ACACB: variants seen among roughly 807,000 people sequenced by gnomAD.
ACACB encodes the protein acetyl-CoA carboxylase beta.
Under a neutral mutation model 278.8 loss-of-function variants are expected in ACACB, and 209 were observed. That is an observed-to-expected ratio of 0.75 (90% CI 0.67 to 0.84). The LOEUF (loss-of-function observed/expected upper bound fraction) is 0.84. Among genes scored for constraint, ACACB ranks in the 40% least tolerant of loss-of-function variants. The pLI is 0.00. For synonymous variants in ACACB, 1,174 were observed against 1,285.6 expected, an observed-to-expected ratio of 0.91 and a Z score of 1.86; for missense variants, 2,850 against 3,269.0, an observed-to-expected ratio of 0.87 and a Z score of 3.13.
intron 17 of ACACB, among the ~76,000 whole-genome samples, chr12:109,198,856 C>A (rs912627295): frequency 5.3e-5 from 8 of 151,878 alleles, no homozygotes; most frequent in African/African-American, 1.9e-4. Flanking sequence ...GAACTCCTGG[C>A]CTCAAGCCAT....
intron 24 of ACACB, among the ~76,000 whole-genome samples, chr12:109,217,961 G>A (rs2046053003): frequency 6.6e-6 from 1 of 152,212 alleles, no homozygotes; most frequent in South Asian, 2.1e-4. Flanking sequence ...TCACGCAGCA[G>A]TCCTAGAAAG....
In ACACB at chr12:109,175,999, T is replaced by C. The variant is rs1241276662; in HGVS notation, c.1285T>C (p.Tyr429His). 2.5e-6 allele frequency: 4 copies of C among 1,614,020 alleles called. No individual in the cohort carries two copies. The highest frequency in any genetic ancestry group is 3.4e-6 in the Non-Finnish European group (4 of 1,180,032). Residue 429 changes from tyrosine to histidine, a missense_variant, in exon 8 of 53, where the codon TAT becomes CAT. Tyr to His is a moderately conservative substitution (Grantham distance 83, BLOSUM62 2). Around this residue, in one of 3 missense-constraint regions of ACACB, gnomAD observed 2,265 missense variants for 2,561.3 expected, o/e 0.88. Transcript: ENST00000338432. ...AAGAATCAGTGTCCCAGAAGATGTTTATGACAAGGGTTGCGTGAAAGACGT... is the reference window on the plus strand; with the variant it reads ...AAGAATCAGTGTCCCAGAAGATGTTCATGACAAGGGTTGCGTGAAAGACGT... ...GKRISVPEDV[Y>H]DKGCVKDVDE...
chr12:109,154,730 A>T (rs1382381150), intron 2 of ACACB: 1 of 152,542 alleles, frequency 6.6e-6, no homozygotes, highest in Non-Finnish European at 1.5e-5. Context: ...CGCCGGCTGC[A>T]GCAGAACCCC....
chr12:109,193,827 C>T (rs1011842904), intron 16 of ACACB, 98 bp downstream of exon 16: 10 of 1,106,708 alleles, frequency 9.0e-6, no homozygotes, highest in Non-Finnish European at 1.3e-5. Flanking sequence ...TTTGCTCATG[C>T]TTGGGTTTGA....
At chr12:109,167,621 G>GCA (rs1408673157) in intron 3 of ACACB, among the ~76,000 whole-genome samples, 4 of 77,520 alleles carry the variant, frequency 5.2e-5, no homozygotes, top group African/African-American at 2.0e-4. Context: ...ATATGTATGT[G>GCA]TATATATATA....
chr12:109,197,637 C>T (rs1469426825), intron 17 of ACACB, among the ~76,000 whole-genome samples: 5 of 151,960 alleles, frequency 3.3e-5, no homozygotes, highest in Non-Finnish European at 7.4e-5. Context: ...GTGTCGTGTA[C>T]CTGACGGGTA....
chr12:109,222,027 A>G (rs934962989), intron 24 of ACACB, among the ~76,000 whole-genome samples: 13 of 151,830 alleles, frequency 8.6e-5, no homozygotes, highest in Admixed American at 4.6e-4. Context: ...AGCTGGGACT[A>G]CAGGCATGTG....
In ACACB at chr12:109,233,702, A is replaced by G. The variant is rs1378987320; in HGVS notation, c.4140-46A>G. ...GGCTTGGAAGCTTGACCTCATCCCC[A>G]TGGGTCAGCAGCCCCTCAGCCCTCC... On this transcript the variant is annotated intron_variant, in intron 29 of 52. Coordinates refer to ENST00000338432, the MANE Select transcript of ACACB (RefSeq NM_001093.4). The G allele has an allele frequency of 3.2e-6, 5 of 1,541,970 alleles. No individual in the cohort carries two copies. In the East Asian group the frequency reaches 6.7e-5, roughly 21 times the overall value.
intron 27 of ACACB, among the ~76,000 whole-genome samples, chr12:109,224,849 T>C (rs1291683205): frequency 2.6e-5 from 4 of 152,284 alleles, no homozygotes; most frequent in Admixed American, 2.6e-4. Context: ...AACACGGCCC[T>C]CTTACCCGGG....
chr12:109,210,459 A>G (rs1460486203), intron 21 of ACACB, among the ~76,000 whole-genome samples: 1 of 131,044 alleles, frequency 7.6e-6, no homozygotes, highest in Non-Finnish European at 1.6e-5. Context: ...ATATATGTAT[A>G]TATACGCACA....
chr12:109,206,382 C>T (rs1236892907), intron 19 of ACACB, among the ~76,000 whole-genome samples: 2 of 142,516 alleles, frequency 1.4e-5, no homozygotes, highest in Admixed American at 7.3e-5. Flanking sequence ...TGCAGTGAGC[C>T]GAGGTCATGC....
Position 109,212,927 on chromosome 12 carries a change from T to C in ACACB, c.3341T>C (p.Leu1114Ser), listed in dbSNP as rs762193492. The change falls in exon 22 of 53, where the codon TTG becomes TCG. Residue 1114 changes from leucine to serine, a missense_variant. Leu to Ser is a moderately radical substitution (Grantham distance 145). This residue lies in a region of ACACB where 2,265 missense variants were observed against 2,561.3 expected (regional missense o/e 0.88). Transcript: ENST00000338432. ...ATCAACACCCAGAGCATCGTGCAGT[T>C]GGTCCAGAGGTGAATCCTGGGTCTC... The part of the protein sequence containing the change: ...FFINTQSIVQ[L>S]VQRYRSGIRG... 1.9e-6 allele frequency: 3 copies of C among 1,613,912 alleles called. No individual in the cohort carries two copies. The highest frequency in any genetic ancestry group is 3.3e-5 in the Admixed American group (2 of 60,014).
chr12:109,139,935 A>G lies in ACACB; in HGVS notation c.530A>G (p.Glu177Gly), dbSNP rs777108289. Residue 177 changes from glutamate to glycine, a missense_variant, in exon 2 of 53, where the codon GAG becomes GGG. Transcript: ENST00000338432. ...LGSFDDYSSDEDSVAGSSRES... is the reference protein window; with the variant it reads ...LGSFDDYSSDGDSVAGSSRES... ...TCTTTTGATGACTACTCCTCCGACG[A>G]GGACTCTGTTGCTGGCTCATCTCGT... is the stretch of plus-strand genomic sequence containing the variant. 3 of 1,614,128 alleles carry G rather than the reference A, an allele frequency of 1.9e-6. No individual in the cohort carries two copies. Among genetic ancestry groups the G allele is most frequent in the East Asian group, 4.5e-5 (2 of 44,872 alleles).
chr12:109,221,895 G>GGGT (rs2046173846), intron 24 of ACACB, among the ~76,000 whole-genome samples: 2 of 89,898 alleles, frequency 2.2e-5, no homozygotes, highest in African/African-American at 1.5e-4. Flanking sequence ...TTTTTTTTTT[G>GGGT]GGGGGGAGAC....
At chr12:109,235,869 C>A in intron 33 of ACACB, 1 of 494,910 alleles carries the variant, frequency 2.0e-6, no homozygotes, top group Non-Finnish European at 3.6e-6. Context: ...CATTGTGATG[C>A]AAGCCTGTGG....
chr12:109,254,370 C>A, intron 44 of ACACB, 36 bp downstream of exon 44: 1 of 1,574,750 alleles, frequency 6.4e-7, no homozygotes, highest in Non-Finnish European at 8.6e-7. Flanking sequence ...GACCTGGTCT[C>A]GGGTTTCTTT....
intron 45 of ACACB, among the ~76,000 whole-genome samples, 200 bp downstream of exon 45, chr12:109,256,436 C>T (rs1185851662): frequency 6.6e-6 from 1 of 152,190 alleles, no homozygotes. Flanking sequence ...CCTCCTGAGG[C>T]CTGGGACCCT....
chr12:109,167,112 A>G (rs2043935337), intron 3 of ACACB, 119 bp downstream of exon 3: 1 of 1,308,620 alleles, frequency 7.6e-7, no homozygotes, highest in Non-Finnish European at 1.1e-6. Flanking sequence ...AGAGGGGGTG[A>G]GGGCCACGCT....
At chr12:109,244,232 C>A (rs1175088322) in intron 37 of ACACB, among the ~76,000 whole-genome samples, 1 of 152,144 alleles carries the variant, frequency 6.6e-6, no homozygotes, top group Non-Finnish European at 1.5e-5. Context: ...CTGTTCCTAC[C>A]TCTGCCTATG....
Sources: allele counts gnomAD v4.1 joint callset (sites outside exome capture counted in the v4.1 genomes callset), GRCh38; gene constraint gnomAD v4.1.1; regional missense constraint gnomAD v4.1.1; transcripts MANE v1.5; gene names NCBI Gene and HGNC (gene_info 2026-07-23, HGNC 2026-07-21).